ROBO1: variants seen among roughly 807,000 people sequenced by gnomAD.
The protein encoded by ROBO1 is roundabout homolog 1.
A neutral mutation model predicts 195.9 loss-of-function variants in ROBO1; 149 were observed. That is an observed-to-expected ratio of 0.76 (90% confidence interval 0.67 to 0.87). The LOEUF (loss-of-function observed/expected upper bound fraction) is 0.87. Ranked by LOEUF, ROBO1 falls within the 40% of genes least tolerant of loss-of-function variation. ROBO1 has a pLI of 0.00. For missense variants in ROBO1, 1,933 were observed against 2,068.3 expected (o/e 0.93, Z 1.27); for synonymous variants, 816 against 733.2 (o/e 1.11, Z -1.82).
intron 1 of ROBO1, among the ~76,000 whole-genome samples, chr3:79,698,764 T>C (rs1211333712): frequency 6.6e-6 from 1 of 151,582 alleles, no homozygotes; most frequent in Admixed American, 6.6e-5. Context: ...GAAATTGAAG[T>C]GTTTAGTCAG....
chr3:78,735,426 C>T (rs2082371965), intron 5 of ROBO1, among the ~76,000 whole-genome samples: 1 of 152,142 alleles, frequency 6.6e-6, no homozygotes, highest in Admixed American at 6.5e-5. Context: ...TTGGACATAA[C>T]AGACCTTTCC....
intron 1 of ROBO1, among the ~76,000 whole-genome samples, chr3:79,633,536 GA>G (rs1945409171): frequency 1.3e-5 from 2 of 151,894 alleles, no homozygotes; most frequent in East Asian, 3.9e-4. Flanking sequence ...AAAACTTAAT[GA>G]AATTAAATTT....
chr3:79,180,272 A>C (rs969108286), intron 2 of ROBO1, among the ~76,000 whole-genome samples: 1 of 152,188 alleles, frequency 6.6e-6, no homozygotes, highest in Admixed American at 6.5e-5. Flanking sequence ...TTTATTTCCC[A>C]AAATTAATTT....
intron 2 of ROBO1, among the ~76,000 whole-genome samples, chr3:79,486,845 C>T (rs1423260193): frequency 6.6e-6 from 1 of 152,098 alleles, no homozygotes; most frequent in Non-Finnish European, 1.5e-5. Flanking sequence ...AAAAGTAAGA[C>T]AAAATTTACA....
intron 1 of ROBO1, among the ~76,000 whole-genome samples, chr3:79,690,854 AC>A (rs1947278272): frequency 6.6e-6 from 1 of 151,872 alleles, no homozygotes; most frequent in Non-Finnish European, 1.5e-5. Flanking sequence ...TATCCCAAGT[AC>A]ATATCCTTGT....
intron 4 of ROBO1, among the ~76,000 whole-genome samples, chr3:78,811,257 A>G (rs2084729825): frequency 6.6e-6 from 1 of 152,206 alleles, no homozygotes; most frequent in South Asian, 2.1e-4. Context: ...AAATGTAAAA[A>G]AGTATCATTA....
At chr3:79,222,949 T>C (rs896770492) in intron 2 of ROBO1, among the ~76,000 whole-genome samples, 1 of 152,172 alleles carries the variant, frequency 6.6e-6, no homozygotes, top group Non-Finnish European at 1.5e-5. Flanking sequence ...TCTCAATATG[T>C]CACAGCTATC....
At chr3:79,419,895 G>GTACATAAGGTATGTA (rs2038156114) in intron 2 of ROBO1, among the ~76,000 whole-genome samples, 1 of 151,870 alleles carries the variant, frequency 6.6e-6, no homozygotes, top group Non-Finnish European at 1.5e-5. Flanking sequence ...GTAAAAATAC[G>GTACATAAGGTATGTA]TACATAAGGT....
intron 1 of ROBO1, among the ~76,000 whole-genome samples, chr3:79,658,990 C>G (rs1946250849): frequency 1.3e-5 from 2 of 151,988 alleles, no homozygotes; most frequent in Admixed American, 6.6e-5. Context: ...CCACCTCAGA[C>G]TCCCAAAGTG....
intron 1 of ROBO1, among the ~76,000 whole-genome samples, chr3:79,715,056 C>T (rs769859893): frequency 6.6e-6 from 1 of 151,996 alleles, no homozygotes; most frequent in Non-Finnish European, 1.5e-5. Flanking sequence ...ACTGCAATCT[C>T]ATGATACAAT....
At chr3:79,590,147 TGTG>T (rs1033096894) in intron 1 of ROBO1, among the ~76,000 whole-genome samples, 186 bp from the exon 2 acceptor site, 10 of 151,844 alleles carry the variant, frequency 6.6e-5, no homozygotes, top group Admixed American at 2.6e-4. Flanking sequence ...TTCAAACAAA[TGTG>T]GTATTTATTA....
intron 19 of ROBO1, among the ~76,000 whole-genome samples, chr3:78,649,192 AC>A (rs1285211416): frequency 1.3e-5 from 2 of 152,110 alleles, no homozygotes; most frequent in East Asian, 3.8e-4. Context: ...GAGTGCCTGA[AC>A]ATTAATTTGC....
At chr3:78,644,851 ACACTCAAGAAG>A (rs1706180324) in intron 21 of ROBO1, among the ~76,000 whole-genome samples, 2 of 152,314 alleles carry the variant, frequency 1.3e-5, no homozygotes, top group South Asian at 4.1e-4. Flanking sequence ...CATATCAAAG[ACACTCAAGAAG>A]CACTTTCACA....
chr3:78,849,428 C>G (rs964866745), intron 4 of ROBO1, among the ~76,000 whole-genome samples: 4 of 151,840 alleles, frequency 2.6e-5, no homozygotes, highest in African/African-American at 9.7e-5. Context: ...TTTATAGGAC[C>G]TTTTAGGACA....
At chr3:79,212,837 ATAAAT>A (rs1311757682) in intron 2 of ROBO1, among the ~76,000 whole-genome samples, 2 of 147,064 alleles carry the variant, frequency 1.4e-5, no homozygotes, top group African/African-American at 5.3e-5. Flanking sequence ...ATAAAATAAA[ATAAAT>A]AAAATAAAAT....
chr3:79,278,818 C>G (rs996840909), intron 2 of ROBO1, among the ~76,000 whole-genome samples: 6 of 152,040 alleles, frequency 3.9e-5, no homozygotes, highest in African/African-American at 1.4e-4. Context: ...GCACAGGCAA[C>G]TGAAGCAAAA....
chr3:79,602,648 C>A (rs561187127), intron 1 of ROBO1, among the ~76,000 whole-genome samples: 1 of 151,994 alleles, frequency 6.6e-6, no homozygotes, highest in African/African-American at 2.4e-5. Context: ...AGTTGGATTG[C>A]AAATTAATTT....
chr3:79,691,595 T>C (rs867896897), intron 1 of ROBO1, among the ~76,000 whole-genome samples: 56 of 151,928 alleles, frequency 3.7e-4, no homozygotes, highest in African/African-American at 1.2e-3. Context: ...TAAAATTAAT[T>C]GACTTGTTTT....
chr3:79,713,467 T>G (rs545159542), intron 1 of ROBO1, among the ~76,000 whole-genome samples: 96 of 152,112 alleles, frequency 6.3e-4, no homozygotes, highest in Non-Finnish European at 1.2e-3. Context: ...AGGAGTTGAC[T>G]CTAACCTTCC....
Sources: allele counts gnomAD v4.1 joint callset (sites outside exome capture counted in the v4.1 genomes callset), GRCh38; gene constraint gnomAD v4.1.1; transcripts MANE v1.5; gene names NCBI Gene and HGNC (gene_info 2026-07-23, HGNC 2026-07-21).